Variants in COG5 observed in about 807,000 individuals in gnomAD.
The protein encoded by COG5 is component of oligomeric golgi complex 5.
COG5 carries 86 observed loss-of-function variants against 110.4 expected under a neutral mutation model. That is an observed-to-expected ratio of 0.78 (90% CI 0.65 to 0.93). The LOEUF (loss-of-function observed/expected upper bound fraction) is 0.93, where lower values mean the gene tolerates loss of function less well. Ranked by LOEUF, COG5 falls within the 40% of genes least tolerant of loss-of-function variation. The pLI is 0.00. For synonymous variants in COG5, 360 were observed against 334.6 expected, an observed-to-expected ratio of 1.08 and a Z score of -0.83; for missense variants, 1,077 against 987.0, an observed-to-expected ratio of 1.09 and a Z score of -1.22.
At chr7:107,481,306 A>G (rs1251190001) in intron 6 of COG5, among the ~76,000 whole-genome samples, 1 of 152,176 alleles carries the variant, frequency 6.6e-6, no homozygotes. Context: ...GTTATGGGGA[A>G]ACTGCTTTTC....
chr7:107,349,747 CG>C (rs200699607), intron 10 of COG5, among the ~76,000 whole-genome samples: 1 of 152,084 alleles, frequency 6.6e-6, no homozygotes, highest in Non-Finnish European at 1.5e-5. Flanking sequence ...TCAGTAGACA[CG>C]GGGGTTTCAC....
chr7:107,323,705 T>G (rs1341618469), intron 11 of COG5, among the ~76,000 whole-genome samples: 1 of 152,200 alleles, frequency 6.6e-6, no homozygotes, highest in African/African-American at 2.4e-5. Flanking sequence ...ACTAGTTTAT[T>G]TAACTCTGGT....
chr7:107,474,259 T>C lies in COG5; in HGVS notation c.538+52978A>G, dbSNP rs1362917748. On this transcript the variant is annotated intron_variant, in intron 6 of 21. Coordinates refer to ENST00000297135, the MANE Select transcript of COG5 (RefSeq NM_006348.5). The surrounding 1 kb of genome is among the most constrained non-coding windows in gnomAD (Gnocchi z 5.7). ...CAACCTCACTGTATTGGTACTTTAC[T>C]GCATGAAATCCAACTTAATCAACTC... 6 of 1,612,762 alleles carry C rather than the reference T, an allele frequency of 3.7e-6. No individual in the cohort carries two copies. Among genetic ancestry groups the C allele is most frequent in the Non-Finnish European group, 5.1e-6 (6 of 1,179,022 alleles).
rs111401609 is a variant in COG5, at chr7:107,457,855, G to A, written c.539-45223C>T. Among the ~76,000 whole-genome samples the A allele has an allele frequency of 3.4e-3, 520 of 152,186 alleles. 7 individuals are homozygous for A. The highest frequency in any genetic ancestry group is 0.012 in the African/African-American group (488 of 41,506). On this transcript the variant is annotated intron_variant, in intron 6 of 21. Transcript: ENST00000297135. The stretch of plus-strand genomic sequence containing the variant: ...ACAAAAACAACAAATAACAATAGCA[G>A]CAACAACCACAACAAAAACACTGAT...
chr7:107,405,956 C>A (rs1021806921), intron 7 of COG5, among the ~76,000 whole-genome samples: 2 of 152,178 alleles, frequency 1.3e-5, no homozygotes, highest in Non-Finnish European at 2.9e-5. Context: ...CACCTCCAGC[C>A]TTCAGACTTC....
At chr7:107,357,321 A>G (rs1399977547) in intron 10 of COG5, among the ~76,000 whole-genome samples, 1 of 152,142 alleles carries the variant, frequency 6.6e-6, no homozygotes, top group East Asian at 1.9e-4. Context: ...AAGTATGGAG[A>G]GGGAAACGTC....
At chr7:107,367,898 C>T (rs961613410) in intron 8 of COG5, among the ~76,000 whole-genome samples, 5 of 151,672 alleles carry the variant, frequency 3.3e-5, no homozygotes, top group African/African-American at 1.2e-4. Flanking sequence ...ATCCATGCAA[C>T]CAAAACCCAC....
chr7:107,264,190 T>C (rs1456094353), intron 14 of COG5, among the ~76,000 whole-genome samples: 1 of 152,146 alleles, frequency 6.6e-6, no homozygotes, highest in African/African-American at 2.4e-5. Context: ...TTATGGTCTC[T>C]CAACATTGCA....
At chr7:107,271,233 A>G (rs979893508) in intron 14 of COG5, among the ~76,000 whole-genome samples, 2 of 152,058 alleles carry the variant, frequency 1.3e-5, no homozygotes, top group African/African-American at 4.8e-5. Context: ...GCAACACAGC[A>G]AGACTCCATC....
chr7:107,508,035 G>C (rs1439120197), intron 6 of COG5, among the ~76,000 whole-genome samples: 1 of 152,242 alleles, frequency 6.6e-6, no homozygotes, highest in Non-Finnish European at 1.5e-5. Flanking sequence ...GTGGGTGCAA[G>C]ACAGTGGGTG....
intron 6 of COG5, among the ~76,000 whole-genome samples, chr7:107,429,024 C>G (rs1469680502): frequency 6.6e-6 from 1 of 152,154 alleles, no homozygotes; most frequent in Non-Finnish European, 1.5e-5. Flanking sequence ...CATGTCAATT[C>G]CACCATGAAC....
intron 5 of COG5, among the ~76,000 whole-genome samples, chr7:107,537,672 C>A (rs560473195): frequency 3.3e-5 from 5 of 150,952 alleles, no homozygotes; most frequent in African/African-American, 1.2e-4. Context: ...ACCACCATGG[C>A]ACATGTATAC....
chr7:107,474,508 C>T lies in COG5; in HGVS notation c.538+52729G>A, dbSNP rs750938733. 2 of 1,612,826 alleles carry T rather than the reference C, an allele frequency of 1.2e-6. No homozygotes were observed. Among genetic ancestry groups the T allele is most frequent in the Non-Finnish European group, 1.7e-6 (2 of 1,179,202 alleles). ...TGACATCTCTGTAAAACCTGCAAACCGAATTCTGACAATGGGCAGAGCTGT... is the reference window on the plus strand; with the variant it reads ...TGACATCTCTGTAAAACCTGCAAACTGAATTCTGACAATGGGCAGAGCTGT... On this transcript the variant is annotated intron_variant, in intron 6 of 21. Coordinates refer to ENST00000297135, the MANE Select transcript of COG5 (RefSeq NM_006348.5). This position sits in a 1 kb window ranked among gnomAD's most constrained non-coding sequence, Gnocchi z 5.7.
chr7:107,383,787 C>T (rs1181379027), intron 7 of COG5, among the ~76,000 whole-genome samples: 1 of 152,124 alleles, frequency 6.6e-6, no homozygotes, highest in African/African-American at 2.4e-5. Flanking sequence ...TTAAAAGATG[C>T]CTTCTTTTTT....
chr7:107,325,086 T>A (rs1056851665), intron 10 of COG5, among the ~76,000 whole-genome samples: 1 of 152,116 alleles, frequency 6.6e-6, no homozygotes, highest in African/African-American at 2.4e-5. Flanking sequence ...TTAAAAAAAC[T>A]CAAAGGAATT....
chr7:107,327,781 T>TA (rs902622224), intron 10 of COG5, among the ~76,000 whole-genome samples: 8 of 152,068 alleles, frequency 5.3e-5, no homozygotes, highest in African/African-American at 1.9e-4. Context: ...ATGGCTACTA[T>TA]AAAAAACTGG....
At chr7:107,455,103 AATAAG>A (rs1795579383) in intron 6 of COG5, among the ~76,000 whole-genome samples, 1 of 152,238 alleles carries the variant, frequency 6.6e-6, no homozygotes, top group Admixed American at 6.5e-5. Flanking sequence ...AAAAGTACAT[AATAAG>A]ATAAGCTGTC....
chr7:107,399,873 C>T (rs1455721566), intron 7 of COG5, among the ~76,000 whole-genome samples: 2 of 152,206 alleles, frequency 1.3e-5, no homozygotes, highest in African/African-American at 4.8e-5. Flanking sequence ...ACCTCCTACA[C>T]ACCCACTAAA....
chr7:107,476,753 T>C (rs919448665), intron 6 of COG5, among the ~76,000 whole-genome samples: 3 of 151,710 alleles, frequency 2.0e-5, no homozygotes, highest in Non-Finnish European at 4.4e-5. Flanking sequence ...TTCTATTTTC[T>C]GAAACTGTAT....
Sources: gnomAD v4.1 joint callset for allele counts (sites outside exome capture counted in the v4.1 genomes callset) on GRCh38, gnomAD v4.1.1 for gene constraint, Gnocchi (gnomAD v3.1) non-coding constraint, MANE v1.5 for transcripts, NCBI Gene and HGNC (gene_info 2026-07-23, HGNC 2026-07-21) for gene names.